HDAC9: variants seen among roughly 807,000 people sequenced by gnomAD.
The protein encoded by HDAC9 is MEF-2 interacting transcription repressor (MITR) protein.
A neutral mutation model predicts 139.4 loss-of-function variants in HDAC9; 41 were observed. The observed-to-expected ratio is 0.29, with a 90% CI of 0.23 to 0.38. The LOEUF (loss-of-function observed/expected upper bound fraction) is 0.38, where lower values mean the gene tolerates loss of function less well. Ranked by LOEUF, HDAC9 falls within the 10% of genes least tolerant of loss-of-function variation. The pLI is 1.00. For missense variants in HDAC9, 1,147 were observed against 1,297.0 expected (o/e 0.88, Z 1.78); for synonymous variants, 517 against 476.2 (o/e 1.09, Z -1.12).
At chr7:18,923,844 C>T (rs541903037) in intron 22 of HDAC9, among the ~76,000 whole-genome samples, 70 of 152,022 alleles carry the variant, frequency 4.6e-4, no homozygotes, top group South Asian at 2.1e-3. Context: ...TGATCCAATA[C>T]GCTATGGAAT....
In HDAC9 at chr7:18,658,908, A is replaced by AC. The variant is rs576837163; in HGVS notation, c.1468-7305_1468-7304insC. ...TAAAAGAAAAAAAAAGCAAAAAAAA[A>AC]AAAAACAAAACAACAACAACAACTT... On this transcript the variant is annotated intron_variant, in intron 11 of 25. Transcript: ENST00000686413. Among the ~76,000 whole-genome samples the AC allele has an allele frequency of 3.5e-3, 536 of 151,628 alleles. 5 individuals are homozygous for AC. The highest frequency in any genetic ancestry group is 0.012 in the African/African-American group (505 of 41,452).
At chr7:18,622,936 GA>G (rs550221917) in intron 6 of HDAC9, among the ~76,000 whole-genome samples, 3 of 151,972 alleles carry the variant, frequency 2.0e-5, no homozygotes, top group Admixed American at 2.0e-4. Flanking sequence ...TTGAGCCCAG[GA>G]ATTTGAGACC....
intron 12 of HDAC9, among the ~76,000 whole-genome samples, chr7:18,700,286 G>A (rs145342001): frequency 0.011 from 1,705 of 152,322 alleles, 12 homozygotes; most frequent in South Asian, 0.027. Context: ...TCTGTGAAAT[G>A]CAGTTGCATC....
Position 18,997,162 on chromosome 7 carries a change from T to G in HDAC9, c.*1100T>G, listed in dbSNP as rs1786514558. 6.6e-6 allele frequency: 1 copy of G among 152,222 alleles called. No homozygotes were observed. The highest frequency in any genetic ancestry group is 1.5e-5 in the Non-Finnish European group (1 of 68,044). 9.4% of individuals were successfully genotyped at this position (152,222 alleles called of 1,614,324 possible). A position where few individuals can be genotyped will look rare whatever the true frequency, so the allele number is the denominator to read the frequency against. On this transcript the variant is annotated 3_prime_UTR_variant, in exon 26 of 26. Transcript: ENST00000686413. Reference sequence around the variant, plus strand: ...AGTTGTTTTGTCTGATTGCATTTTATTAACTGTGAAGCCGTTGAAATGAAT... The same window carrying G: ...AGTTGTTTTGTCTGATTGCATTTTAGTAACTGTGAAGCCGTTGAAATGAAT...
At chr7:18,445,265 C>T (rs2128097343) in intron 1 of HDAC9, among the ~76,000 whole-genome samples, 1 of 152,174 alleles carries the variant, frequency 6.6e-6, no homozygotes, top group Admixed American at 6.5e-5. Context: ...CTCAAAACTT[C>T]CTTTAAGTAG....
intron 12 of HDAC9, among the ~76,000 whole-genome samples, chr7:18,675,580 C>A (rs1038388705): frequency 6.6e-6 from 1 of 151,942 alleles, no homozygotes; most frequent in African/African-American, 2.4e-5. Context: ...AGGAGCTGAC[C>A]TTACACTCAA....
At chr7:18,763,699 C>A (rs191785249) in intron 15 of HDAC9, among the ~76,000 whole-genome samples, 1 of 152,146 alleles carries the variant, frequency 6.6e-6, no homozygotes, top group East Asian at 1.9e-4. Flanking sequence ...ATGAAGTAAA[C>A]CAGACATTTT....
At chr7:18,242,998 C>T (rs1794289771) in intron 2 of HDAC9, among the ~76,000 whole-genome samples, 1 of 152,136 alleles carries the variant, frequency 6.6e-6, no homozygotes, top group African/African-American at 2.4e-5. Context: ...TTTGTTTTAG[C>T]TATTTGCATA....
intron 8 of HDAC9, among the ~76,000 whole-genome samples, chr7:18,637,418 T>C (rs1784245814): frequency 6.6e-6 from 1 of 152,122 alleles, no homozygotes; most frequent in South Asian, 2.1e-4. Context: ...AAGCCATAAC[T>C]TGGCACAAAT....
intron 2 of HDAC9, among the ~76,000 whole-genome samples, chr7:18,564,081 C>G (rs188070286): frequency 6.6e-6 from 1 of 151,982 alleles, no homozygotes; most frequent in South Asian, 2.1e-4. Flanking sequence ...ATGATCCGCC[C>G]GCCCCGGCCT....
At chr7:18,716,900 T>C (rs1462301850) in intron 12 of HDAC9, among the ~76,000 whole-genome samples, 1 of 152,070 alleles carries the variant, frequency 6.6e-6, no homozygotes, top group Admixed American at 6.6e-5. Flanking sequence ...CTACCAACAG[T>C]CCTGTCTTAT....
intron 1 of HDAC9, among the ~76,000 whole-genome samples, chr7:18,148,410 C>T (rs1376454695): frequency 6.6e-6 from 1 of 152,184 alleles, no homozygotes; most frequent in Non-Finnish European, 1.5e-5. Flanking sequence ...TCCATAGGCA[C>T]ATCTCCACTT....
chr7:18,451,340 T>C (rs577351918), intron 1 of HDAC9, among the ~76,000 whole-genome samples: 1 of 150,790 alleles, frequency 6.6e-6, no homozygotes. Context: ...TATAGCAGGC[T>C]GAATGGACCA....
chr7:18,512,495 G>A (rs1327095017), intron 2 of HDAC9, among the ~76,000 whole-genome samples: 1 of 152,138 alleles, frequency 6.6e-6, no homozygotes, highest in Non-Finnish European at 1.5e-5. Context: ...AGATTTGAGC[G>A]ATGCTATGCT....
chr7:18,138,525 GAGGTGT>G (rs879904187), intron 1 of HDAC9, among the ~76,000 whole-genome samples: 2,862 of 118,900 alleles, frequency 0.024, 99 homozygotes, highest in African/African-American at 0.081. Flanking sequence ...GAGAGAGAGA[GAGGTGT>G]GTGTGTGTGT....
At chr7:18,911,211 C>G (rs1802709795) in intron 22 of HDAC9, among the ~76,000 whole-genome samples, 1 of 149,584 alleles carries the variant, frequency 6.7e-6, no homozygotes, top group African/African-American at 2.5e-5. Context: ...TATCTATTTC[C>G]TCTAGGTTTT....
chr7:18,878,148 T>A (rs1232083201), intron 22 of HDAC9, among the ~76,000 whole-genome samples: 1 of 152,174 alleles, frequency 6.6e-6, no homozygotes, highest in Non-Finnish European at 1.5e-5. Flanking sequence ...AATTAATTCA[T>A]CATATACTAC....
chr7:18,295,554 T>A (rs1319524662), intron 1 of HDAC9, among the ~76,000 whole-genome samples: 1 of 152,202 alleles, frequency 6.6e-6, no homozygotes, highest in Admixed American at 6.5e-5. Flanking sequence ...GAAATTATCT[T>A]ACTTCTATCT....
intron 1 of HDAC9, among the ~76,000 whole-genome samples, chr7:18,121,608 A>G (rs1784369365): frequency 6.6e-6 from 1 of 152,132 alleles, no homozygotes; most frequent in African/African-American, 2.4e-5. Context: ...TTTAATCAAC[A>G]TTCAATAATT....
Sources: gnomAD v4.1 joint callset for allele counts (sites outside exome capture counted in the v4.1 genomes callset) on GRCh38, gnomAD v4.1.1 for gene constraint, MANE v1.5 for transcripts, NCBI Gene and HGNC (gene_info 2026-07-23, HGNC 2026-07-21) for gene names.